SHISA5: variants seen among roughly 807,000 people sequenced by gnomAD.
SHISA5 encodes the protein protein shisa-5.
Under a neutral mutation model 27.5 loss-of-function variants are expected in SHISA5, and 21 were observed. That is an observed-to-expected ratio of 0.76 (90% CI 0.54 to 1.10). SHISA5 has a LOEUF of 1.10. Among genes scored for constraint, SHISA5 ranks in the 50% least tolerant of loss-of-function variants. The pLI, the probability that SHISA5 is intolerant of heterozygous loss-of-function variation, is 0.00. For missense variants in SHISA5, 314 were observed against 336.3 expected, an observed-to-expected ratio of 0.93 and a Z score of 0.52; for synonymous variants, 137 against 142.2, an observed-to-expected ratio of 0.96 and a Z score of 0.26.
chr3:48,475,328 G>A (rs2040786979), intron 3 of SHISA5, among the ~76,000 whole-genome samples: 1 of 152,006 alleles, frequency 6.6e-6, no homozygotes, highest in Admixed American at 6.6e-5. Flanking sequence ...CCCAAGGCTG[G>A]GGCCAAGCTC....
intron 3 of SHISA5, among the ~76,000 whole-genome samples, chr3:48,475,297 C>T (rs1442839476): frequency 3.9e-5 from 6 of 152,004 alleles, no homozygotes; most frequent in African/African-American, 9.7e-5. Flanking sequence ...ACTACGCCTC[C>T]GAGAGGAAGG....
intron 1 of SHISA5, 88 bp from the exon 2 acceptor site, chr3:48,501,381 A>C (rs2041750408): frequency 1.2e-6 from 1 of 853,996 alleles, no homozygotes; most frequent in South Asian, 2.1e-5. Context: ...CCACCAGACC[A>C]CACACACACA....
intron 2 of SHISA5, among the ~76,000 whole-genome samples, chr3:48,493,785 A>C (rs1307600984): frequency 6.8e-6 from 1 of 146,852 alleles, no homozygotes; most frequent in Non-Finnish European, 1.5e-5. Context: ...CACCCGCCTC[A>C]GCCTCCCAAA....
At chr3:48,501,355 G>A (rs954618635) in intron 1 of SHISA5, 62 bp from the exon 2 acceptor site, 9 of 1,559,966 alleles carry the variant, frequency 5.8e-6, no homozygotes, top group Non-Finnish European at 7.0e-6. Context: ...CAGACACAGC[G>A]CCCTCCCTGG....
chr3:48,503,752 A>G, intron 1 of SHISA5: 1 of 1,223,118 alleles, frequency 8.2e-7, no homozygotes, highest in African/African-American at 1.6e-5. Flanking sequence ...CCCCTGGAAC[A>G]TGGGCGGGAG....
intron 1 of SHISA5, 59 bp downstream of exon 1, chr3:48,503,960 C>T (rs760969683): frequency 4.9e-6 from 7 of 1,432,212 alleles, no homozygotes; most frequent in East Asian, 3.0e-5. Flanking sequence ...GGAGAGGCAG[C>T]GCGGGGAAGT....
rs200616469 is a variant in SHISA5, at chr3:48,470,937, GA to G, written c.315-1095del. Among the ~76,000 whole-genome samples the G allele has an allele frequency of 0.039, 5,264 of 135,416 alleles. 268 individuals carry two copies. The highest frequency in any genetic ancestry group is 0.13 in the African/African-American group (4,694 of 37,504). 88.8% of individuals were successfully genotyped at this position (135,416 alleles called of 152,430 possible). ...GCAAAACTCTGTCTCAAAAATGAAA[GA>G]AAAAAAAAAAAACCTGACTTCCAAA... On this transcript the variant is annotated intron_variant, in intron 3 of 5. Transcript: ENST00000296444. This position sits in a 1 kb window ranked among gnomAD's most constrained non-coding sequence, Gnocchi z 4.3.
intron 3 of SHISA5, chr3:48,476,888 A>G (rs1344767885): frequency 1.6e-5 from 5 of 309,040 alleles, no homozygotes; most frequent in Non-Finnish European, 2.6e-5. Context: ...AGCACACGGC[A>G]CACGAGGCCC....
chr3:48,472,945 A>C, intron 3 of SHISA5: 1 of 1,447,180 alleles, frequency 6.9e-7, no homozygotes, highest in East Asian at 2.5e-5. Flanking sequence ...GGCCGTTATC[A>C]TCCCTCCAGA....
rs748760034 is a variant in SHISA5 at position 48,501,189 on chromosome 3, C to G, written c.181G>C (p.Val61Leu). The G allele has an allele frequency of 8.1e-6, 13 of 1,614,142 alleles. No individual in the cohort carries two copies. Among genetic ancestry groups the G allele is most frequent in the Admixed American group, 3.3e-5 (2 of 60,018 alleles). Residue 61 changes from valine (V) to leucine (L), a missense_variant, in exon 2 of 6, where the codon GTG (valine) becomes CTG (leucine). By Grantham distance (32) the Val-to-Leu change is conservative. Transcript: ENST00000296444. ...TCDDQYCCSD[V>L]LKKFVWSEER... is the part of the protein sequence containing the mutation. ...TCGCTCCACACAAATTTCTTCAGCA[C>G]GTCAGAGCAGCAGTATTGGTCATCA... is the stretch of plus-strand genomic sequence containing the variant.
intron 2 of SHISA5, among the ~76,000 whole-genome samples, chr3:48,485,845 G>A (rs2041202759): frequency 6.6e-6 from 1 of 151,342 alleles, no homozygotes; most frequent in Non-Finnish European, 1.5e-5. Context: ...GGGCAGCTGA[G>A]AGGCTGAGCA....
At chr3:48,499,070 G>A (rs1400031255) in intron 2 of SHISA5, among the ~76,000 whole-genome samples, 9 of 94,850 alleles carry the variant, frequency 9.5e-5, no homozygotes, top group East Asian at 2.9e-4. Context: ...CAACAAGAAC[G>A]AAACTCCATC....
intron 2 of SHISA5, among the ~76,000 whole-genome samples, chr3:48,488,755 C>T (rs532030192): frequency 8.6e-5 from 13 of 150,626 alleles, no homozygotes; most frequent in South Asian, 4.2e-4. Context: ...ATCACTTGAA[C>T]CCGGGAGGTG....
At chr3:48,472,008 C>A (rs2040645626) in intron 3 of SHISA5, among the ~76,000 whole-genome samples, 1 of 151,160 alleles carries the variant, frequency 6.6e-6, no homozygotes, top group Non-Finnish European at 1.5e-5. Flanking sequence ...CATGGTAAAA[C>A]CCTGTCTCTA....
In SHISA5 at chr3:48,485,537, T is replaced by C. The variant is rs2041178817; in HGVS notation, c.234-6280A>G. On this transcript the variant is annotated intron_variant, in intron 2 of 5. Transcript: ENST00000296444. ...TATTTTTATATATATATTAAATATA[T>C]ATATTATATATATAATATATTATAT... Among the ~76,000 whole-genome samples, 3 of 138,380 alleles carry C rather than the reference T, an allele frequency of 2.2e-5. No individual in the cohort carries two copies. The South Asian group carries it at 6.9e-4, about 32-fold the overall frequency. The allele number at this position is 138,380 out of a possible 152,430, so 90.8% of individuals were successfully genotyped here.
At chr3:48,495,327 C>T (rs1192140439) in intron 2 of SHISA5, among the ~76,000 whole-genome samples, 1,988 of 54,876 alleles carry the variant, frequency 0.036, 314 homozygotes, top group African/African-American at 0.18. Flanking sequence ...CCTTTTACGA[C>T]GCTTTTTTTT....
intron 3 of SHISA5, among the ~76,000 whole-genome samples, chr3:48,471,036 T>G (rs368431372): frequency 6.6e-6 from 1 of 152,098 alleles, no homozygotes; most frequent in Non-Finnish European, 1.5e-5. Flanking sequence ...TCTTTTTTAA[T>G]TTATTTTTTG....
chr3:48,497,425 G>C (rs1010938247), intron 2 of SHISA5, among the ~76,000 whole-genome samples: 2 of 150,184 alleles, frequency 1.3e-5, no homozygotes, highest in Admixed American at 6.7e-5. Context: ...ACCATGCCCA[G>C]CTAATTTTTG....
chr3:48,504,250 G>A (rs1435592653), upstream of SHISA5: 2 of 374,540 alleles, frequency 5.3e-6, no homozygotes, highest in East Asian at 3.9e-5. The surrounding 1 kb of genome is among the most constrained non-coding windows in gnomAD (Gnocchi z 4.0). Context: ...GGAGGAGGAG[G>A]GAGGAGGAGG....
Sources: allele counts gnomAD v4.1 joint callset (sites outside exome capture counted in the v4.1 genomes callset), GRCh38; gene constraint gnomAD v4.1.1; non-coding constraint Gnocchi (gnomAD v3.1); transcripts MANE v1.5; gene names NCBI Gene and HGNC (gene_info 2026-07-23, HGNC 2026-07-21).